HPCAL1: variants seen among roughly 807,000 people sequenced by gnomAD.
HPCAL1 encodes the protein hippocalcin like 1.
Under a neutral mutation model 17.1 loss-of-function variants are expected in HPCAL1, and 8 were observed. The ratio of observed to expected loss-of-function variants is 0.47; its 90% CI spans 0.27 to 0.84. HPCAL1 has a LOEUF of 0.84. Ranked by LOEUF, HPCAL1 falls within the 40% of genes least tolerant of loss-of-function variation. HPCAL1 has a pLI of 0.13. For missense variants in HPCAL1, 165 were observed against 271.1 expected (o/e 0.61, Z 2.75); for synonymous variants, 112 against 111.4 (o/e 1.01, Z -0.03).
chr2:10,387,442 G>A (rs1668390707), intron 1 of HPCAL1, among the ~76,000 whole-genome samples: 1 of 152,196 alleles, frequency 6.6e-6, no homozygotes, highest in African/African-American at 2.4e-5. Context: ...CCCCCACAGC[G>A]TTCCTGGTGC....
chr2:10,322,649 G>A (rs780707104), intron 1 of HPCAL1, among the ~76,000 whole-genome samples: 3 of 152,194 alleles, frequency 2.0e-5, no homozygotes, highest in Non-Finnish European at 4.4e-5. Flanking sequence ...TCTTCTTCCT[G>A]CCTGGAAAGC....
chr2:10,328,098 A>G (rs954686757), intron 1 of HPCAL1, among the ~76,000 whole-genome samples: 2 of 152,236 alleles, frequency 1.3e-5, no homozygotes, highest in Non-Finnish European at 2.9e-5. Context: ...CAAGGGGGAC[A>G]GTGGCACATG....
intron 4 of HPCAL1, chr2:10,424,902 G>GC: frequency 3.2e-6 from 1 of 311,264 alleles, no homozygotes; most frequent in Admixed American, 4.0e-5. Context: ...TCTAGGCTGG[G>GC]CTGATGGGTT....
At chr2:10,426,298 T>C (rs1671400745) in intron 4 of HPCAL1, 1 of 183,438 alleles carries the variant, frequency 5.5e-6, no homozygotes, top group Non-Finnish European at 1.1e-5. Context: ...GGGTCTACGC[T>C]GATGCCAGGG....
intron 1 of HPCAL1, among the ~76,000 whole-genome samples, chr2:10,321,388 A>C (rs1663659565): frequency 1.3e-5 from 2 of 151,532 alleles, no homozygotes; most frequent in South Asian, 4.1e-4. Context: ...TGGTTGAGAC[A>C]TCCAAGCCGT....
intron 1 of HPCAL1, among the ~76,000 whole-genome samples, chr2:10,309,041 C>CT (rs35367502): frequency 0.053 from 7,797 of 147,706 alleles, 660 homozygotes; most frequent in African/African-American, 0.18. Flanking sequence ...TCTTAACAAA[C>CT]TTTTTTTTTT....
chr2:10,371,206 G>C (rs985701130), intron 1 of HPCAL1, among the ~76,000 whole-genome samples: 16 of 152,142 alleles, frequency 1.1e-4, no homozygotes, highest in African/African-American at 3.9e-4. Context: ...TGGGTTAGTG[G>C]GTCTGGCTGG....
In HPCAL1 at chr2:10,343,715, C is replaced by G. The variant is rs917504323; in HGVS notation, c.-111+40538C>G. On this transcript the variant is annotated intron_variant, in intron 1 of 4. Coordinates refer to ENST00000307845, the MANE Select transcript of HPCAL1 (RefSeq NM_002149.4). This position sits in a 1 kb window ranked among gnomAD's most constrained non-coding sequence, Gnocchi z 4.8. ...CTAAATTTTAAGAGCAGAAACAAAA[C>G]TCATCCTTGCGAAGGGACTTTTAGA... is the stretch of plus-strand genomic sequence containing the variant. 1.3e-5 allele frequency among the ~76,000 whole-genome samples: 2 copies of G among 152,248 alleles called. No homozygotes were observed. The highest frequency in any genetic ancestry group is 2.4e-5 in the African/African-American group (1 of 41,470).
At chr2:10,381,447 G>T (rs929380795) in intron 1 of HPCAL1, among the ~76,000 whole-genome samples, 1 of 152,190 alleles carries the variant, frequency 6.6e-6, no homozygotes, top group Non-Finnish European at 1.5e-5. Flanking sequence ...ACTGTAATGC[G>T]CACTGCGTGG....
intron 2 of HPCAL1, among the ~76,000 whole-genome samples, chr2:10,399,530 TGC>T (rs1669427032): frequency 1.3e-3 from 108 of 85,600 alleles, no homozygotes; most frequent in East Asian, 1.8e-3. Flanking sequence ...CCACCGCCAC[TGC>T]CACCGCCACC....
Position 10,364,433 on chromosome 2 carries a change from G to A in HPCAL1, c.-110-32402G>A, listed in dbSNP as rs193084452. Among the ~76,000 whole-genome samples the A allele has an allele frequency of 3.9e-4, 60 of 152,356 alleles. No individual in the cohort carries two copies. In the East Asian group the frequency reaches 7.9e-3, roughly 20 times the overall value. ...GGCCCCAAGGCCAGTGACCTGGAAT[G>A]CGATGGCCAGGGAGGCAGGAGCTGG... On this transcript the variant is annotated intron_variant, in intron 1 of 4. Coordinates refer to ENST00000307845, the MANE Select transcript of HPCAL1 (RefSeq NM_002149.4).
chr2:10,405,201 C>G (rs1669894564), intron 2 of HPCAL1, among the ~76,000 whole-genome samples: 1 of 152,266 alleles, frequency 6.6e-6, no homozygotes, highest in South Asian at 2.1e-4. Context: ...GGCAGAGCCC[C>G]CAGCAGGGCC....
chr2:10,381,085 G>A (rs1232614424), intron 1 of HPCAL1, among the ~76,000 whole-genome samples: 3 of 152,352 alleles, frequency 2.0e-5, no homozygotes, highest in Admixed American at 1.3e-4. Flanking sequence ...AGGCAGCCCC[G>A]GAGTTCTCAT....
At chr2:10,350,198 C>T (rs1160857363) in intron 1 of HPCAL1, among the ~76,000 whole-genome samples, 1 of 152,014 alleles carries the variant, frequency 6.6e-6, no homozygotes, top group Non-Finnish European at 1.5e-5. Context: ...TGCACCTGCC[C>T]GAAGGTTCCC....
At chr2:10,373,968 T>G (rs1667388104) in intron 1 of HPCAL1, among the ~76,000 whole-genome samples, 1 of 152,230 alleles carries the variant, frequency 6.6e-6, no homozygotes, top group African/African-American at 2.4e-5. Flanking sequence ...GGTCTGTTTT[T>G]ATCCTTTGGG....
At position 10,310,632 on chromosome 2, in the gene HPCAL1, C is replaced by T. The variant is rs1433378821; in HGVS notation, c.-111+7455C>T. Among the ~76,000 whole-genome samples the T allele has an allele frequency of 6.6e-6, 1 of 152,100 alleles. No homozygotes were observed. Among genetic ancestry groups the T allele is most frequent in the Non-Finnish European group, 1.5e-5 (1 of 68,022 alleles). On this transcript the variant is annotated intron_variant, in intron 1 of 4. Transcript: ENST00000307845. This position sits in a 1 kb window ranked among gnomAD's most constrained non-coding sequence, Gnocchi z 4.5. ...ACCCTGAGCTTGGTGGTGGGGGTTG[C>T]ACAGAGAGAGCTGCAGGTTGTTCCT... is the stretch of plus-strand genomic sequence containing the variant.
chr2:10,338,657 C>T (rs1261140689), intron 1 of HPCAL1, among the ~76,000 whole-genome samples: 1 of 152,154 alleles, frequency 6.6e-6, no homozygotes, highest in Non-Finnish European at 1.5e-5. Context: ...GTGCAGACCC[C>T]ACATGCACCC....
At chr2:10,350,336 T>G (rs1665764713) in intron 1 of HPCAL1, among the ~76,000 whole-genome samples, 1 of 151,290 alleles carries the variant, frequency 6.6e-6, no homozygotes, top group African/African-American at 2.4e-5. Flanking sequence ...TTTTTTTTTT[T>G]TGAGGCAGGG....
intron 1 of HPCAL1, among the ~76,000 whole-genome samples, chr2:10,391,500 T>C (rs1227489072): frequency 1.4e-4 from 21 of 152,236 alleles, no homozygotes; most frequent in Admixed American, 1.1e-3. Context: ...ATGTAAAGTA[T>C]ACAATTCAGT....
Sources: gnomAD v4.1 joint callset for allele counts (sites outside exome capture counted in the v4.1 genomes callset) on GRCh38, gnomAD v4.1.1 for gene constraint, Gnocchi (gnomAD v3.1) non-coding constraint, MANE v1.5 for transcripts, NCBI Gene and HGNC (gene_info 2026-07-23, HGNC 2026-07-21) for gene names.